XKR3: variants seen among roughly 807,000 people sequenced by gnomAD.
XKR3 encodes the protein XK-related protein 3.
In XKR3, 27 loss-of-function variants were observed where a neutral mutation model predicts 40.3. The ratio of observed to expected loss-of-function variants is 0.67; its 90% confidence interval spans 0.49 to 0.92. XKR3 has a LOEUF of 0.92. XKR3 is among the 40% of genes least tolerant of loss of function. The pLI is 0.00. For synonymous variants in XKR3, 193 were observed against 195.4 expected, an observed-to-expected ratio of 0.99 and a Z score of 0.10; for missense variants, 472 against 537.6, an observed-to-expected ratio of 0.88 and a Z score of 1.21.
At chr22:16,824,234 C>A (rs1410349264) in intron 1 of XKR3, among the ~76,000 whole-genome samples, 1 of 152,042 alleles carries the variant, frequency 6.6e-6, no homozygotes, top group Non-Finnish European at 1.5e-5. Flanking sequence ...CCCATTTCCA[C>A]CTACGAGGAA....
intron 3 of XKR3, among the ~76,000 whole-genome samples, chr22:16,785,193 TGTA>T (rs2060084835): frequency 6.6e-6 from 1 of 151,986 alleles, no homozygotes; most frequent in Non-Finnish European, 1.5e-5. Flanking sequence ...GGTGGGAGCT[TGTA>T]GTCCCAGCTA....
At chr22:16,785,735 A>C (rs2013205) in intron 3 of XKR3, among the ~76,000 whole-genome samples, 132,497 of 151,572 alleles carry the variant, frequency 0.87, 58,083 homozygotes, top group Middle Eastern at 0.97. Flanking sequence ...ATAGACCCAG[A>C]TACTCGAGAG....
At chr22:16,811,709 A>T (rs73386011) in intron 1 of XKR3, among the ~76,000 whole-genome samples, 2 of 152,036 alleles carry the variant, frequency 1.3e-5, no homozygotes, top group Non-Finnish European at 2.9e-5. Flanking sequence ...CTTTCTTATT[A>T]AAAAAATGAT....
Position 16,783,536 on chromosome 22 carries a change from T to C in XKR3, c.*83A>G, listed in dbSNP as rs2146134462. Reference sequence around the variant, plus strand: ...AAACCACTTCCAAGATTTTGCTGTGTATATTTTTTAAATTTAAGAGCCTCT... The same window carrying C: ...AAACCACTTCCAAGATTTTGCTGTGCATATTTTTTAAATTTAAGAGCCTCT... On this transcript the variant is annotated 3_prime_UTR_variant, in exon 4 of 4. Coordinates refer to ENST00000684488, the MANE Select transcript of XKR3 (RefSeq NM_001386955.1). The C allele has an allele frequency of 9.0e-7, 1 of 1,115,200 alleles. No homozygotes were observed. Among genetic ancestry groups the C allele is most frequent in the South Asian group, 1.9e-5 (1 of 52,086 alleles). The allele number at this position is 1,115,200 out of a possible 1,614,324, so 69.1% of individuals were successfully genotyped here. A position where few individuals can be genotyped will look rare whatever the true frequency, so the allele number is the denominator to read the frequency against.
In XKR3 at chr22:16,807,748, G is replaced by C; in HGVS notation, c.326C>G (p.Pro109Arg). The C allele has an allele frequency of 6.3e-7, 1 of 1,596,620 alleles. No homozygotes were observed. Among genetic ancestry groups the C allele is most frequent in the Non-Finnish European group, 8.5e-7 (1 of 1,170,310 alleles). ...LLFWHILLLG[P>R]IVRCLHTIRN... is the part of the protein sequence containing the mutation. ...TATTTGTGTCACTTACCTCACAATA[G>C]GTCCTAAAAGAAGAATGTGCCAAAA... is the stretch of plus-strand genomic sequence containing the variant. The change falls in exon 2 of 4, where the codon CCT (proline) becomes CGT (arginine). Residue 109 changes from proline (P) to arginine (R), a missense_variant. Coordinates refer to ENST00000684488, the MANE Select transcript of XKR3 (RefSeq NM_001386955.1).
intron 1 of XKR3, among the ~76,000 whole-genome samples, chr22:16,810,334 A>G (rs1569042093): frequency 6.6e-6 from 1 of 152,236 alleles, no homozygotes; most frequent in Non-Finnish European, 1.5e-5. Flanking sequence ...GATAATAATT[A>G]CGTCCTGCTG....
chr22:16,810,184 C>G lies in XKR3; in HGVS notation c.-10-2101G>C, dbSNP rs140639918. On this transcript the variant is annotated intron_variant, in intron 1 of 3. Transcript: ENST00000684488. Reference sequence around the variant, plus strand: ...CTGAGTCCCATATTTATATCTCCAGCCAGTCTCTTACCAATGCCCCAAACT... The same window carrying G: ...CTGAGTCCCATATTTATATCTCCAGGCAGTCTCTTACCAATGCCCCAAACT... Among the ~76,000 whole-genome samples, 95 of 152,318 alleles carry G rather than the reference C, an allele frequency of 6.2e-4. 2 individuals carry two copies. Among genetic ancestry groups the G allele is most frequent in the African/African-American group, 2.1e-3 (89 of 41,562 alleles).
In XKR3 at chr22:16,799,939, T is replaced by C; in HGVS notation, c.421A>G (p.Arg141Gly). 6.2e-7 allele frequency: 1 copy of C among 1,614,170 alleles called. No homozygotes were observed. Among genetic ancestry groups the C allele is most frequent in the South Asian group, 1.1e-5 (1 of 91,082 alleles). ...ATCTCCCTTTCCAGCATCGTGTTTCTCTTTGTGATGCTAACTTGAGTCTCT... is the reference window on the plus strand; with the variant it reads ...ATCTCCCTTTCCAGCATCGTGTTTCCCTTTGTGATGCTAACTTGAGTCTCT... Reference protein sequence around the residue: ...KEETQVSITKRNTMLEREIAF... With the variant: ...KEETQVSITKGNTMLEREIAF... Residue 141 changes from arginine (R) to glycine (G), a missense_variant, in exon 3 of 4, where the codon AGA becomes GGA. By Grantham distance (125) the Arg-to-Gly change is moderately radical. Coordinates refer to ENST00000684488, the MANE Select transcript of XKR3 (RefSeq NM_001386955.1).
intron 2 of XKR3, among the ~76,000 whole-genome samples, chr22:16,807,536 A>G (rs764625888): frequency 6.6e-6 from 1 of 152,230 alleles, no homozygotes; most frequent in Non-Finnish European, 1.5e-5. Context: ...TCCCATTTGC[A>G]TTTTTAAAAA....
At chr22:16,801,884 A>G (rs1601845160) in intron 2 of XKR3, among the ~76,000 whole-genome samples, 2 of 152,226 alleles carry the variant, frequency 1.3e-5, no homozygotes, top group African/African-American at 4.8e-5. Flanking sequence ...AATCCAGCAC[A>G]AATCTGAAAG....
chr22:16,808,326 A>G lies in XKR3; in HGVS notation c.-10-243T>C, dbSNP rs141380207. Among the ~76,000 whole-genome samples, 531 of 152,320 alleles carry G rather than the reference A, an allele frequency of 3.5e-3. 3 individuals carry two copies. The highest frequency in any genetic ancestry group is 0.02 in the East Asian group (102 of 5,192). On this transcript the variant is annotated intron_variant, in intron 1 of 3. Transcript: ENST00000684488. ...AAGAAGTAGACGATCAAACTTCTAT[A>G]AGGCATCAACTACCTCTTAGCACTG...
chr22:16,785,721 G>A (rs1438251600), intron 3 of XKR3, among the ~76,000 whole-genome samples: 3 of 151,794 alleles, frequency 2.0e-5, no homozygotes, highest in Non-Finnish European at 4.4e-5. Context: ...AAAATTAGCC[G>A]GGCATAGACC....
intron 1 of XKR3, among the ~76,000 whole-genome samples, chr22:16,822,993 C>A (rs937170231): frequency 6.6e-6 from 1 of 152,148 alleles, no homozygotes; most frequent in African/African-American, 2.4e-5. Context: ...AAATGATCCT[C>A]CTGCCTTAGC....
intron 1 of XKR3, among the ~76,000 whole-genome samples, chr22:16,820,012 A>G (rs1483590342): frequency 1.3e-5 from 2 of 152,160 alleles, no homozygotes; most frequent in Non-Finnish European, 2.9e-5. Flanking sequence ...AACACCTACA[A>G]TTTTAACAAG....
rs781740266 is a variant in XKR3 at position 16,803,069 on chromosome 22, T to C, written c.336-3045A>G. On this transcript the variant is annotated intron_variant, in intron 2 of 3. Coordinates refer to ENST00000684488, the MANE Select transcript of XKR3 (RefSeq NM_001386955.1). ...ATCCATCTTAAGGTTGGTAGTGTCC[T>C]CAATTGACATATATATATATATACA... is the stretch of plus-strand genomic sequence containing the variant. 3.2e-4 allele frequency among the ~76,000 whole-genome samples: 36 copies of C among 111,656 alleles called. 1 individual carries two copies. The highest frequency in any genetic ancestry group is 4.1e-4 in the Non-Finnish European group (20 of 48,938). The allele number at this position is 111,656 out of a possible 152,430, so 73.3% of individuals were successfully genotyped here.
chr22:16,823,631 A>C (rs1482275893), intron 1 of XKR3, among the ~76,000 whole-genome samples: 1 of 152,220 alleles, frequency 6.6e-6, no homozygotes, highest in Non-Finnish European at 1.5e-5. Flanking sequence ...CTGATTGCCA[A>C]TTTGCAGCAT....
chr22:16,800,272 A>G (rs2060163337), intron 2 of XKR3, among the ~76,000 whole-genome samples: 1 of 152,200 alleles, frequency 6.6e-6, no homozygotes, highest in South Asian at 2.1e-4. Flanking sequence ...AAAAATTCAA[A>G]CAGCAGATGA....
intron 2 of XKR3, among the ~76,000 whole-genome samples, chr22:16,803,123 C>T (rs2060176200): frequency 6.6e-6 from 1 of 151,746 alleles, no homozygotes; most frequent in Non-Finnish European, 1.5e-5. Context: ...TACAGTAGAC[C>T]AGAATTTAAC....
chr22:16,795,910 T>C (rs1601842282), intron 3 of XKR3, among the ~76,000 whole-genome samples: 1 of 152,012 alleles, frequency 6.6e-6, no homozygotes, highest in Non-Finnish European at 1.5e-5. Context: ...GAAGTGTCAG[T>C]GATGCAAGAT....
Sources: allele counts gnomAD v4.1 joint callset (sites outside exome capture counted in the v4.1 genomes callset), GRCh38; gene constraint gnomAD v4.1.1; transcripts MANE v1.5; gene names NCBI Gene and HGNC (gene_info 2026-07-23, HGNC 2026-07-21).